The following PARD3B variants were observed in gnomAD, a reference collection of about 807,000 sequenced individuals.
The protein encoded by PARD3B is partitioning defective 3 homolog B.
PARD3B carries 103 observed loss-of-function variants against 130.2 expected under a neutral mutation model. The ratio of observed to expected loss-of-function variants is 0.79; its 90% confidence interval spans 0.67 to 0.93. PARD3B has a LOEUF of 0.93. Ranked by LOEUF, PARD3B falls within the 40% of genes least tolerant of loss-of-function variation. The pLI, the probability that PARD3B is intolerant of heterozygous loss-of-function variation, is 0.00. For synonymous variants in PARD3B, 583 were observed against 553.2 expected (o/e 1.05, Z -0.76); for missense variants, 1,609 against 1,499.2 (o/e 1.07, Z -1.21).
intron 15 of PARD3B, among the ~76,000 whole-genome samples, chr2:205,232,579 T>G (rs1430805532): frequency 3.3e-5 from 5 of 152,142 alleles, no homozygotes; most frequent in Non-Finnish European, 7.4e-5. Flanking sequence ...AAAAAATTAG[T>G]TAAAACCAGA....
intron 2 of PARD3B, among the ~76,000 whole-genome samples, chr2:204,912,125 A>G (rs2047260289): frequency 6.6e-6 from 1 of 152,180 alleles, no homozygotes; most frequent in African/African-American, 2.4e-5. Context: ...AATAGTATTC[A>G]TTTGGGTTAT....
chr2:204,875,582 C>A (rs1375585030), intron 2 of PARD3B, among the ~76,000 whole-genome samples: 1 of 152,164 alleles, frequency 6.6e-6, no homozygotes, highest in African/African-American at 2.4e-5. Context: ...CCACTTTGAG[C>A]AGTGTGGTAA....
rs184918884 is a variant in PARD3B, at chr2:205,397,111, T to C, written c.2631-3902T>C. On this transcript the variant is annotated intron_variant, in intron 18 of 22. Coordinates refer to ENST00000406610, the MANE Select transcript of PARD3B (RefSeq NM_001302769.2). The surrounding 1 kb of genome is among the most constrained non-coding windows in gnomAD (Gnocchi z 4.8). The stretch of plus-strand genomic sequence containing the variant: ...CAGTGTGTTAATAAATAAAATGCAA[T>C]TAACTTCTCTGGGTCTCAATTTCCT... 2.6e-5 allele frequency among the ~76,000 whole-genome samples: 4 copies of C among 152,320 alleles called. No homozygotes were observed. The East Asian group carries it at 7.7e-4, about 29-fold the overall frequency.
chr2:205,030,587 TAGG>T (rs1317187301), intron 3 of PARD3B, among the ~76,000 whole-genome samples: 3 of 152,174 alleles, frequency 2.0e-5, no homozygotes, highest in Non-Finnish European at 4.4e-5. Flanking sequence ...CATGTATGAA[TAGG>T]AGAACTATTT....
rs1401808437 is a variant in PARD3B, at chr2:205,185,791, C to G, written c.1952C>G (p.Ala651Gly). ...KGLLLPNDGW[A>G]ESEVPPSPTP... is the part of the protein sequence containing the mutation. The stretch of plus-strand genomic sequence containing the variant: ...CTATTGCTGCCCAATGACGGATGGG[C>G]CGAGAGTGAAGTTCCACCTTCTCCA... The change falls in exon 14 of 23, where the codon GCC becomes GGC. Residue 651 changes from alanine (A) to glycine (G), a missense_variant. Transcript: ENST00000406610. The G allele has an allele frequency of 4.3e-6, 7 of 1,613,868 alleles. No homozygotes were observed. The highest frequency in any genetic ancestry group is 1.7e-5 in the Admixed American group (1 of 59,990).
chr2:204,586,530 T>C (rs2032834265), intron 1 of PARD3B, among the ~76,000 whole-genome samples: 1 of 152,230 alleles, frequency 6.6e-6, no homozygotes, highest in Non-Finnish European at 1.5e-5. Flanking sequence ...TTCTAATTTC[T>C]AGCCTTTTGC....
chr2:204,895,830 TA>T (rs2046622250), intron 2 of PARD3B, among the ~76,000 whole-genome samples: 1 of 152,160 alleles, frequency 6.6e-6, no homozygotes, highest in Admixed American at 6.6e-5. Context: ...GGAAAGGACT[TA>T]AAAATACTTA....
At chr2:205,115,842 A>T (rs895384497) in intron 6 of PARD3B, among the ~76,000 whole-genome samples, 1 of 152,138 alleles carries the variant, frequency 6.6e-6, no homozygotes, top group Admixed American at 6.5e-5. Context: ...ATTTCCTTCC[A>T]TTTATTGGTT....
rs16836948 is a variant in PARD3B, at chr2:205,105,835, A to G, written c.593+1321A>G. 0.035 allele frequency among the ~76,000 whole-genome samples: 5,323 copies of G among 151,736 alleles called. 182 individuals carry two copies. Among genetic ancestry groups the G allele is most frequent in the African/African-American group, 0.091 (3,755 of 41,418 alleles). On this transcript the variant is annotated intron_variant, in intron 5 of 22. Coordinates refer to ENST00000406610, the MANE Select transcript of PARD3B (RefSeq NM_001302769.2). The surrounding 1 kb of genome is among the most constrained non-coding windows in gnomAD (Gnocchi z 4.0). ...GAGTAATAGAAAATCTTCAAGCACC[A>G]TCTTTTCAGAAACTTAATAAGATTA...
Position 205,472,963 on chromosome 2 carries a change from AAATG to A in PARD3B, c.3045-26916_3045-26913del, listed in dbSNP as rs201322890. 2.9e-3 allele frequency among the ~76,000 whole-genome samples: 434 copies of A among 152,058 alleles called. 2 individuals are homozygous for A. The highest frequency in any genetic ancestry group is 9.8e-3 in the African/African-American group (405 of 41,362). On this transcript the variant is annotated intron_variant, in intron 20 of 22. Coordinates refer to ENST00000406610, the MANE Select transcript of PARD3B (RefSeq NM_001302769.2). Reference sequence around the variant, plus strand: ...AGGACCAATAAATAAGTGAATGAATAAATGAATGAATGAATGAATGGAAAGAAAA... The same window carrying A: ...AGGACCAATAAATAAGTGAATGAATAAATGAATGAATGAATGGAAAGAAAA...
At chr2:205,566,032 G>A (rs79681790) in intron 22 of PARD3B, among the ~76,000 whole-genome samples, 5,767 of 152,212 alleles carry the variant, frequency 0.038, 147 homozygotes, top group Middle Eastern at 0.054. Flanking sequence ...AATAAATAAG[G>A]AATATTCCAG....
In PARD3B at chr2:205,572,799, CTG is replaced by C. The variant is rs1456240138; in HGVS notation, c.3260+19398_3260+19399del. On this transcript the variant is annotated intron_variant, in intron 22 of 22. Coordinates refer to ENST00000406610, the MANE Select transcript of PARD3B (RefSeq NM_001302769.2). The surrounding 1 kb of genome is among the most constrained non-coding windows in gnomAD (Gnocchi z 4.2). Reference sequence around the variant, plus strand: ...TACAATCAGGAAGGGCATTGTGAAACTGTTTATGTGGTCCCTACAAAAGATGC... The same window carrying C: ...TACAATCAGGAAGGGCATTGTGAAACTTTATGTGGTCCCTACAAAAGATGC... Among the ~76,000 whole-genome samples, 1 of 152,140 alleles carries C rather than the reference CTG, an allele frequency of 6.6e-6. No homozygotes were observed. The highest frequency in any genetic ancestry group is 1.9e-4 in the East Asian group (1 of 5,184).
chr2:205,440,659 G>A lies in PARD3B; in HGVS notation c.3031G>A (p.Val1011Ile), dbSNP rs1482482303. The A allele has an allele frequency of 1.2e-6, 2 of 1,612,728 alleles. No individual in the cohort carries two copies. The highest frequency in any genetic ancestry group is 1.3e-5 in the African/African-American group (1 of 74,876). The change falls in exon 20 of 23, where the codon GTT (valine) becomes ATT (isoleucine). Residue 1011 changes from valine to isoleucine, a missense_variant. By Grantham distance (29) the Val-to-Ile change is conservative (BLOSUM62 3). Coordinates refer to ENST00000406610, the MANE Select transcript of PARD3B (RefSeq NM_001302769.2). The surrounding 1 kb of genome is among the most constrained non-coding windows in gnomAD (Gnocchi z 4.2). ...AKVNKPYHPL[V>I]PADSGRPTGG... ...GGTCAACAAGCCATACCATCCACTG[G>A]TTCCAGCTGACAGGTAATAAACTTA...
At chr2:205,037,419 A>G (rs1167824331) in intron 3 of PARD3B, among the ~76,000 whole-genome samples, 3 of 147,590 alleles carry the variant, frequency 2.0e-5, no homozygotes, top group Non-Finnish European at 3.0e-5. Context: ...TATGTATAAA[A>G]TATATATAGT....
Position 205,499,946 on chromosome 2 carries a change from A to G in PARD3B, c.3095A>G (p.Glu1032Gly), listed in dbSNP as rs781599847. ...GACCGTATCCAGAAGTTGCGGAAAG[A>G]GTATTATCAGGCTCGGAGGGAAGGT... ...STDRIQKLRK[E>G]YYQARREGFP... is the part of the protein sequence containing the mutation. The change falls in exon 21 of 23, where the codon GAG becomes GGG. Residue 1032 changes from glutamate to glycine, a missense_variant. By Grantham distance (98) the Glu-to-Gly change is moderately conservative. Coordinates refer to ENST00000406610, the MANE Select transcript of PARD3B (RefSeq NM_001302769.2). The G allele has an allele frequency of 1.2e-6, 2 of 1,613,928 alleles. No homozygotes were observed. The highest frequency in any genetic ancestry group is 1.1e-5 in the South Asian group (1 of 91,062).
intron 2 of PARD3B, among the ~76,000 whole-genome samples, chr2:204,840,420 C>A (rs2044216481): frequency 6.6e-6 from 1 of 152,044 alleles, no homozygotes; most frequent in Non-Finnish European, 1.5e-5. Context: ...TTCCTTTAGT[C>A]CTAGTAAAAA....
In PARD3B at chr2:205,553,419, G is replaced by A. The variant is rs1263255698; in HGVS notation, c.3260+16G>A. Reference sequence around the variant, plus strand: ...CCTTACCCAGGTAGATCACGGAGAGGTCTCCCATCTCCAGCTCACCTACAA... The same window carrying A: ...CCTTACCCAGGTAGATCACGGAGAGATCTCCCATCTCCAGCTCACCTACAA... On this transcript the variant is annotated intron_variant, in intron 22 of 22. Transcript: ENST00000406610. 1 of 1,607,526 alleles carries A rather than the reference G, an allele frequency of 6.2e-7. No individual in the cohort carries two copies. The highest frequency in any genetic ancestry group is 1.3e-5 in the African/African-American group (1 of 74,762).
Position 204,693,665 on chromosome 2 carries a change from T to A in PARD3B, c.222+7383T>A, listed in dbSNP as rs143822724. 2.0e-5 allele frequency among the ~76,000 whole-genome samples: 3 copies of A among 152,072 alleles called. No individual in the cohort carries two copies. In the East Asian group the frequency reaches 5.8e-4, roughly 29 times the overall value. ...TGTATACTGCATCAAGTCCAAACTT[T>A]GTAGCCATTTAGAGGCCTCACAATG... On this transcript the variant is annotated intron_variant, in intron 2 of 22. Coordinates refer to ENST00000406610, the MANE Select transcript of PARD3B (RefSeq NM_001302769.2).
At chr2:204,662,845 A>G (rs1031244575) in intron 1 of PARD3B, among the ~76,000 whole-genome samples, 1 of 152,204 alleles carries the variant, frequency 6.6e-6, no homozygotes, top group Non-Finnish European at 1.5e-5. Context: ...GGCCAATAAC[A>G]TGATAGAATT....
Sources: gnomAD v4.1 joint callset for allele counts (sites outside exome capture counted in the v4.1 genomes callset) on GRCh38, gnomAD v4.1.1 for gene constraint, Gnocchi (gnomAD v3.1) non-coding constraint, MANE v1.5 for transcripts, NCBI Gene and HGNC (gene_info 2026-07-23, HGNC 2026-07-21) for gene names.